The following OR8D4 variants were observed in gnomAD, a reference collection of about 807,000 sequenced individuals.
OR8D4 encodes the protein olfactory receptor 8D4.
For missense variants in OR8D4, 359 were observed against 372.6 expected (o/e 0.96, Z 0.30); for synonymous variants, 141 against 134.8 (o/e 1.05, Z -0.32).
chr11:123,902,632 T>C (rs889244106), intron 1 of OR8D4, among the ~76,000 whole-genome samples: 3 of 152,188 alleles, frequency 2.0e-5, no homozygotes, highest in Non-Finnish European at 1.5e-5. Context: ...CAGAGAGACT[T>C]TATGAGTCAA....
In OR8D4 at chr11:123,907,747, C is replaced by CAAAAAAAAAAAAAAAAAAAAAAAATAAAA. The variant is rs10559521; in HGVS notation, c.*393_*394insAATAAAAAAAAAAAAAAAAAAAAAAAAAA. On this transcript the variant is annotated 3_prime_UTR_variant, in exon 2 of 2. Transcript: ENST00000641687. Reference sequence around the variant, plus strand: ...GGGTGACAAGAGTGAAAGTCTGTCTCAAAAAAAAAAAAAAAAAAAAAAGTA... The same window carrying CAAAAAAAAAAAAAAAAAAAAAAAATAAAA: ...GGGTGACAAGAGTGAAAGTCTGTCTCAAAAAAAAAAAAAAAAAAAAAAAATAAAAAAAAAAAAAAAAAAAAAAAAAAGTA... 1.1e-5 allele frequency: 1 copy of CAAAAAAAAAAAAAAAAAAAAAAAATAAAA among 92,392 alleles called. No individual in the cohort carries two copies. The highest frequency in any genetic ancestry group is 4.2e-5 in the African/African-American group (1 of 23,926). 5.7% of individuals were successfully genotyped at this position (92,392 alleles called of 1,614,324 possible).
intron 1 of OR8D4, among the ~76,000 whole-genome samples, 184 bp downstream of exon 1, chr11:123,902,441 A>G (rs1863167937): frequency 6.6e-6 from 1 of 152,104 alleles, no homozygotes; most frequent in Non-Finnish European, 1.5e-5. Context: ...CACCTTACCT[A>G]AGTATCTTGT....
chr11:123,908,608 T>C lies in OR8D4; in HGVS notation c.*1232T>C, dbSNP rs867053189. ...TACTTTTAGGGGGTGAAAAAGATGA[T>C]AGATAATACAGAGGTAGTTCAGTGA... is the stretch of plus-strand genomic sequence containing the variant. On this transcript the variant is annotated 3_prime_UTR_variant, in exon 2 of 2. Coordinates refer to ENST00000641687, the MANE Select transcript of OR8D4 (RefSeq NM_001005197.2). The C allele has an allele frequency of 6.6e-6, 1 of 152,184 alleles. No individual in the cohort carries two copies. The highest frequency in any genetic ancestry group is 1.5e-5 in the Non-Finnish European group (1 of 68,034). 9.4% of individuals were successfully genotyped at this position (152,184 alleles called of 1,614,324 possible).
rs769052119 is a variant in OR8D4 at position 123,906,797 on chromosome 11, C to T, written c.366C>T (p.Arg122=). The change falls in exon 2 of 2, where the codon CGC becomes CGT. Residue 122 remains arginine (R), a synonymous_variant. Coordinates refer to ENST00000641687, the MANE Select transcript of OR8D4 (RefSeq NM_001005197.2). ...TGCTGGCAGCCATGGCCTGCGATCG[C>T]TACGTGGCCATCTGCAGCCCACTGC... ...CYMLAAMACD[R]YVAICSPLLY... is the part of the protein sequence containing the mutation. The T allele has an allele frequency of 1.9e-6, 3 of 1,613,954 alleles. No individual in the cohort carries two copies. Among genetic ancestry groups the T allele is most frequent in the Admixed American group, 1.7e-5 (1 of 60,012 alleles).
chr11:123,903,084 C>T (rs1863173868), intron 1 of OR8D4, among the ~76,000 whole-genome samples: 1 of 151,678 alleles, frequency 6.6e-6, no homozygotes, highest in African/African-American at 2.4e-5. Flanking sequence ...TATGTACAGA[C>T]ATTTTTCTTG....
intron 1 of OR8D4, among the ~76,000 whole-genome samples, chr11:123,904,812 G>A (rs11219343): frequency 0.38 from 57,365 of 152,086 alleles, 11,112 homozygotes; most frequent in Middle Eastern, 0.55. Flanking sequence ...TATTACAGCA[G>A]TAATATATTG....
Position 123,908,392 on chromosome 11 carries a change from T to G in OR8D4, c.*1016T>G, listed in dbSNP as rs1276668381. 1 of 152,182 alleles carries G rather than the reference T, an allele frequency of 6.6e-6. No homozygotes were observed. Among genetic ancestry groups the G allele is most frequent in the African/African-American group, 2.4e-5 (1 of 41,450 alleles). 9.4% of individuals were successfully genotyped at this position (152,182 alleles called of 1,614,324 possible). ...TTAATTTCCTCCACATGTTTTGAGA[T>G]AAAGATAATGAAAAAGCTTATGATT... On this transcript the variant is annotated 3_prime_UTR_variant, in exon 2 of 2. Coordinates refer to ENST00000641687, the MANE Select transcript of OR8D4 (RefSeq NM_001005197.2).
intron 1 of OR8D4, among the ~76,000 whole-genome samples, chr11:123,904,599 C>T (rs138265980): frequency 3.9e-4 from 60 of 152,276 alleles, no homozygotes; most frequent in African/African-American, 1.3e-3. Flanking sequence ...CACTTTTGCA[C>T]GTGATCTTCC....
In OR8D4 at chr11:123,906,598, A is replaced by G. The variant is rs1307543274; in HGVS notation, c.167A>G (p.His56Arg). ...ATTATTAGGCTGAATCGTCAACTTC[A>G]TACCCCCATGTACTATTTCCTGAGT... ...ISIIRLNRQL[H>R]TPMYYFLSSL... The change falls in exon 2 of 2, where the codon CAT (histidine) becomes CGT (arginine). Residue 56 changes from histidine to arginine, a missense_variant. Coordinates refer to ENST00000641687, the MANE Select transcript of OR8D4 (RefSeq NM_001005197.2). 1.2e-6 allele frequency: 2 copies of G among 1,613,990 alleles called. No homozygotes were observed. Among genetic ancestry groups the G allele is most frequent in the South Asian group, 2.2e-5 (2 of 91,070 alleles).
chr11:123,906,412 C>T lies in OR8D4; in HGVS notation c.-15-5C>T. 6.6e-7 allele frequency: 1 copy of T among 1,506,758 alleles called. No individual in the cohort carries two copies. The highest frequency in any genetic ancestry group is 9.0e-7 in the Non-Finnish European group (1 of 1,106,126). 93.3% of individuals were successfully genotyped at this position (1,506,758 alleles called of 1,614,324 possible). Reference sequence around the variant, plus strand: ...AATTTGACTTTTTCTCTCTCATCTCCACAGATTTCTCAGAGAAGAATGGGT... The same window carrying T: ...AATTTGACTTTTTCTCTCTCATCTCTACAGATTTCTCAGAGAAGAATGGGT... On this transcript the variant is annotated splice_region_variant and splice_polypyrimidine_tract_variant and intron_variant, in intron 1 of 1. Transcript: ENST00000641687.
intron 1 of OR8D4, among the ~76,000 whole-genome samples, chr11:123,903,203 GTT>G (rs1400088501): frequency 8.7e-5 from 1 of 11,498 alleles, no homozygotes; most frequent in African/African-American, 6.5e-4. Context: ...GATGTGCTTA[GTT>G]AGGTTACATA....
chr11:123,904,428 C>T (rs1409058816), intron 1 of OR8D4, among the ~76,000 whole-genome samples: 1 of 152,120 alleles, frequency 6.6e-6, no homozygotes, highest in Non-Finnish European at 1.5e-5. Flanking sequence ...CTTTAAAAAA[C>T]CCATGATATT....
chr11:123,907,776 T>G lies in OR8D4; in HGVS notation c.*400T>G, dbSNP rs1863218278. The stretch of plus-strand genomic sequence containing the variant: ...AAAAAAAAAAAAAAAAAAAGTAATT[T>G]GAAATCAGATGAAATTATATATATT... On this transcript the variant is annotated 3_prime_UTR_variant, in exon 2 of 2. Transcript: ENST00000641687. The G allele has an allele frequency of 1.3e-5, 2 of 148,270 alleles. No homozygotes were observed. The highest frequency in any genetic ancestry group is 1.3e-4 in the Admixed American group (2 of 14,866). 9.2% of individuals were successfully genotyped at this position (148,270 alleles called of 1,614,324 possible).
In OR8D4 at chr11:123,906,997, G is replaced by T. The variant is rs748731410; in HGVS notation, c.566G>T (p.Cys189Phe). The T allele has an allele frequency of 1.1e-5, 17 of 1,613,866 alleles. No individual in the cohort carries two copies. The highest frequency in any genetic ancestry group is 3.3e-5 in the South Asian group (3 of 91,086). The change falls in exon 2 of 2, where the codon TGC (cysteine) becomes TTC (phenylalanine). Residue 189 changes from cysteine (C) to phenylalanine (F), a missense_variant. Cys to Phe is a radical substitution (Grantham distance 205). Coordinates refer to ENST00000641687, the MANE Select transcript of OR8D4 (RefSeq NM_001005197.2). ...CDIVPLIKLS[C>F]SSTYIDELLI... ...ATTGTCCCTCTTATTAAACTCTCCT[G>T]CTCCAGCACTTATATTGATGAGCTT...
rs774107622 is a variant in OR8D4, at chr11:123,907,191, T to G, written c.760T>G (p.Ser254Ala). 5.0e-6 allele frequency: 8 copies of G among 1,613,824 alleles called. No homozygotes were observed. Among genetic ancestry groups the G allele is most frequent in the Non-Finnish European group, 6.8e-6 (8 of 1,179,846 alleles). The part of the protein sequence containing the change: ...HLTAVLMFYG[S>A]LMSMYLKPAS... ...GACAGCTGTTCTTATGTTTTATGGG[T>G]CTCTGATGTCCATGTATCTCAAACC... Residue 254 changes from serine (S) to alanine (A), a missense_variant, in exon 2 of 2, where the codon TCT (serine) becomes GCT (alanine). Physicochemically the swap from Ser to Ala is moderately conservative, Grantham distance 99. Coordinates refer to ENST00000641687, the MANE Select transcript of OR8D4 (RefSeq NM_001005197.2).
chr11:123,907,946 TCCAAGCCCAAAA>T lies in OR8D4; in HGVS notation c.*571_*582del. The T allele has an allele frequency of 6.6e-6, 1 of 152,052 alleles. No homozygotes were observed. Among genetic ancestry groups the T allele is most frequent in the African/African-American group, 2.4e-5 (1 of 41,406 alleles). The allele number at this position is 152,052 out of a possible 1,614,324, so 9.4% of individuals were successfully genotyped here. ...CAATTTTTATCTTTAGTTTCCTGAA[TCCAAGCCCAAAA>T]GGAAATCATCATCATGGTGTACTGC... On this transcript the variant is annotated 3_prime_UTR_variant, in exon 2 of 2. Transcript: ENST00000641687.
At chr11:123,902,362 A>G (rs1406595808) in intron 1 of OR8D4, 105 bp downstream of exon 1, 2 of 152,150 alleles carry the variant, frequency 1.3e-5, no homozygotes, top group Non-Finnish European at 2.9e-5. Context: ...GTTTGAGGCC[A>G]CTGAGTCACA....
Position 123,907,150 on chromosome 11 carries a change from C to A in OR8D4, c.719C>A (p.Thr240Asn), listed in dbSNP as rs757781827. 118 of 1,613,732 alleles carry A rather than the reference C, an allele frequency of 7.3e-5. 1 individual carries two copies. In the Admixed American group the frequency reaches 1.9e-3, roughly 27 times the overall value. Residue 240 changes from threonine (T) to asparagine (N), a missense_variant, in exon 2 of 2, where the codon ACC becomes AAC. Thr to Asn is a moderately conservative substitution (Grantham distance 65, BLOSUM62 0). Transcript: ENST00000641687. ...AAGGGCAGGTGCAAAGCGTTTAGCA[C>A]CTGTAGCTCCCACCTGACAGCTGTT... ...SKKGRCKAFS[T>N]CSSHLTAVLM...
intron 1 of OR8D4, among the ~76,000 whole-genome samples, chr11:123,904,823 G>A (rs944668383): frequency 1.3e-5 from 2 of 152,162 alleles, no homozygotes; most frequent in Non-Finnish European, 2.9e-5. Context: ...TAATATATTG[G>A]AAACAAGAAG....
Sources: gnomAD v4.1 joint callset for allele counts (sites outside exome capture counted in the v4.1 genomes callset) on GRCh38, gnomAD v4.1.1 for gene constraint, MANE v1.5 for transcripts, NCBI Gene and HGNC (gene_info 2026-07-23, HGNC 2026-07-21) for gene names.